PCNT: variants seen among roughly 807,000 people sequenced by gnomAD.
PCNT encodes the protein pericentrin.
PCNT carries 319 observed loss-of-function variants against 380.4 expected under a neutral mutation model. That is an observed-to-expected ratio of 0.84 (90% CI 0.77 to 0.92). PCNT has a LOEUF of 0.92. Among genes scored for constraint, PCNT ranks in the 40% least tolerant of loss-of-function variants. PCNT has a pLI of 0.00. For synonymous variants in PCNT, 1,845 were observed against 1,735.2 expected (o/e 1.06, Z -1.57); for missense variants, 4,400 against 4,255.3 (o/e 1.03, Z -0.95).
rs189968356 is a variant in PCNT at position 46,445,125 on chromosome 21, A to G, written c.9968-159A>G. Among the ~76,000 whole-genome samples the G allele has an allele frequency of 2.1e-3, 315 of 152,348 alleles. 2 individuals carry two copies. The highest frequency in any genetic ancestry group is 6.9e-3 in the African/African-American group (285 of 41,574). On this transcript the variant is annotated intron_variant, in intron 46 of 46. Coordinates refer to ENST00000359568, the MANE Select transcript of PCNT (RefSeq NM_006031.6). ...ATTTCGACCAGGATATAATTTGTTCAGTGTTTCTTAAATATCATAATTTAA... is the reference window on the plus strand; with the variant it reads ...ATTTCGACCAGGATATAATTTGTTCGGTGTTTCTTAAATATCATAATTTAA...
intron 33 of PCNT, among the ~76,000 whole-genome samples, chr21:46,426,715 C>G (rs1285412131): frequency 6.6e-6 from 1 of 152,238 alleles, no homozygotes; most frequent in African/African-American, 2.4e-5. Flanking sequence ...CCCCGCACCC[C>G]ACTTTTCCCC....
rs143530626 is a variant in PCNT at position 46,395,102 on chromosome 21, G to A, written c.4217-2163G>A. Among the ~76,000 whole-genome samples, 44 of 152,356 alleles carry A rather than the reference G, an allele frequency of 2.9e-4. 1 individual carries two copies. In the East Asian group the frequency reaches 8.1e-3, roughly 28 times the overall value. On this transcript the variant is annotated intron_variant, in intron 21 of 46. Transcript: ENST00000359568. ...CACGTCTCAGGTTGTGAATGTTACC[G>A]CAGCAGCATGTTTACAGCGGACTCG...
chr21:46,409,087 T>C (rs1438624578), intron 27 of PCNT, among the ~76,000 whole-genome samples: 2 of 152,136 alleles, frequency 1.3e-5, no homozygotes. Flanking sequence ...TTTATATCTT[T>C]TGAACGCTTT....
chr21:46,352,201 A>T (rs1242466003), intron 9 of PCNT, among the ~76,000 whole-genome samples: 5 of 152,226 alleles, frequency 3.3e-5, no homozygotes, highest in African/African-American at 1.2e-4. Flanking sequence ...TTTTGGCCCA[A>T]CTTGTCCTTG....
chr21:46,432,918 G>T (rs1039739745), intron 38 of PCNT, among the ~76,000 whole-genome samples: 2 of 152,188 alleles, frequency 1.3e-5, no homozygotes, highest in Non-Finnish European at 2.9e-5. Flanking sequence ...ACCACACTCG[G>T]CTGTTTACTT....
Position 46,437,759 on chromosome 21 carries a change from G to A in PCNT, c.9100-405G>A, listed in dbSNP as rs375844679. Among the ~76,000 whole-genome samples the A allele has an allele frequency of 1.3e-3, 202 of 152,354 alleles. 4 individuals are homozygous for A. The South Asian group carries it at 0.041, about 31-fold the overall frequency. On this transcript the variant is annotated intron_variant, in intron 40 of 46. Transcript: ENST00000359568. Reference sequence around the variant, plus strand: ...CCAGCTGAACGTCGTTGTGGGTGGGGTGCACCCTGCCCCCTGTGTTGGGCC... The same window carrying A: ...CCAGCTGAACGTCGTTGTGGGTGGGATGCACCCTGCCCCCTGTGTTGGGCC...
At chr21:46,391,422 G>T in intron 21 of PCNT, 46 bp downstream of exon 21, 1 of 1,458,518 alleles carries the variant, frequency 6.9e-7, no homozygotes, top group East Asian at 2.5e-5. Flanking sequence ...GTGGGGCGCG[G>T]ATACAGCTGC....
At position 46,442,260 on chromosome 21, in the gene PCNT, G is replaced by C. The variant is rs75434240; in HGVS notation, c.9624-237G>C. 0.041 allele frequency among the ~76,000 whole-genome samples: 6,280 copies of C among 152,204 alleles called. 190 individuals carry two copies. Among genetic ancestry groups the C allele is most frequent in the Non-Finnish European group, 0.062 (4,235 of 68,006 alleles). On this transcript the variant is annotated intron_variant, in intron 43 of 46. Coordinates refer to ENST00000359568, the MANE Select transcript of PCNT (RefSeq NM_006031.6). The stretch of plus-strand genomic sequence containing the variant: ...TGGTCCACGGTGGGGCCGCAGTGAG[G>C]CTTTGTCAGGTGGTTGGGCATGGGA...
At chr21:46,373,431 CTTT>C (rs35866515) in intron 15 of PCNT, among the ~76,000 whole-genome samples, 61 of 116,630 alleles carry the variant, frequency 5.2e-4, no homozygotes, top group African/African-American at 9.1e-4. Flanking sequence ...TGTCAATACT[CTTT>C]TTTTTTTTTT....
At chr21:46,400,685 A>G (rs1358437738) in intron 25 of PCNT, among the ~76,000 whole-genome samples, 2 of 151,844 alleles carry the variant, frequency 1.3e-5, no homozygotes, top group Non-Finnish European at 2.9e-5. Flanking sequence ...ACGCCTGGCT[A>G]ATTTTTGTAT....
chr21:46,333,447 G>GA (rs899287494), intron 2 of PCNT, among the ~76,000 whole-genome samples: 27 of 129,226 alleles, frequency 2.1e-4, no homozygotes, highest in Non-Finnish European at 4.4e-4. Flanking sequence ...AGACAAAAAA[G>GA]AAAAAAAAAA....
Position 46,422,118 on chromosome 21 carries a change from C to A in PCNT, c.7173C>A (p.His2391Gln). ...AMKEKEVRPKHVKALLQMVRD... is the reference protein window; with the variant it reads ...AMKEKEVRPKQVKALLQMVRD... ...AGGAGAAGGAAGTGCGTCCGAAGCA[C>A]GTGAAGGTATGGCTGGCAGGGGCGG... The change falls in exon 32 of 47, where the codon CAC becomes CAA. Residue 2391 changes from histidine to glutamine, a missense_variant. His to Gln is a conservative substitution (Grantham distance 24, BLOSUM62 0). Coordinates refer to ENST00000359568, the MANE Select transcript of PCNT (RefSeq NM_006031.6). 1.9e-6 allele frequency: 3 copies of A among 1,613,670 alleles called. No individual in the cohort carries two copies. Among genetic ancestry groups the A allele is most frequent in the Non-Finnish European group, 1.7e-6 (2 of 1,180,016 alleles).
chr21:46,344,658 C>G (rs1041733060), intron 3 of PCNT, among the ~76,000 whole-genome samples: 5 of 152,242 alleles, frequency 3.3e-5, no homozygotes, highest in Admixed American at 2.6e-4. Flanking sequence ...CTGGCTGATG[C>G]AGGGGAAGCC....
chr21:46,442,709 A>G, intron 44 of PCNT, 136 bp downstream of exon 44: 1 of 722,414 alleles, frequency 1.4e-6, no homozygotes, highest in Non-Finnish European at 2.5e-6. Flanking sequence ...GAATTCCGTC[A>G]GAGCAGTCGT....
intron 25 of PCNT, among the ~76,000 whole-genome samples, chr21:46,400,899 C>T (rs149476920): frequency 7.9e-5 from 12 of 152,264 alleles, no homozygotes; most frequent in Admixed American, 2.0e-4. Flanking sequence ...GTTTCCGTTC[C>T]GCTGTCGCAG....
In PCNT at chr21:46,389,435, A is replaced by G; in HGVS notation, c.3840+4A>G. 1.2e-6 allele frequency: 2 copies of G among 1,610,836 alleles called. No individual in the cohort carries two copies. The highest frequency in any genetic ancestry group is 1.7e-6 in the Non-Finnish European group (2 of 1,177,172). On this transcript the variant is annotated splice_donor_region_variant and intron_variant, in intron 19 of 46. Coordinates refer to ENST00000359568, the MANE Select transcript of PCNT (RefSeq NM_006031.6). ...GGCCCTGGACTCCAGCAGGCAGGTG[A>G]GGCCCAGGCTCCCGGGGTCCTGTGG...
intron 13 of PCNT, among the ~76,000 whole-genome samples, chr21:46,361,972 T>C (rs1263567455): frequency 2.0e-5 from 3 of 152,208 alleles, no homozygotes; most frequent in African/African-American, 7.2e-5. Context: ...GTCAGCTGGG[T>C]TCAGGTTGCA....
intron 1 of PCNT, among the ~76,000 whole-genome samples, chr21:46,326,009 G>A (rs1391361431): frequency 6.6e-6 from 1 of 152,214 alleles, no homozygotes; most frequent in Non-Finnish European, 1.5e-5. Context: ...GGGGCAAGAA[G>A]GGAGAGATTT....
intron 45 of PCNT, among the ~76,000 whole-genome samples, chr21:46,444,380 A>G (rs2053695148): frequency 6.6e-6 from 1 of 152,186 alleles, no homozygotes; most frequent in South Asian, 2.1e-4. Context: ...CCTGACAAAC[A>G]GTTTGGGAAG....
Sources: allele counts gnomAD v4.1 joint callset (sites outside exome capture counted in the v4.1 genomes callset), GRCh38; gene constraint gnomAD v4.1.1; transcripts MANE v1.5; gene names NCBI Gene and HGNC (gene_info 2026-07-23, HGNC 2026-07-21).